Variants in RSRC2 observed in about 807,000 individuals in gnomAD.
RSRC2 encodes the protein arginine/serine-rich coiled-coil protein 2.
RSRC2 carries 5 observed loss-of-function variants against 61.3 expected under a neutral mutation model. The observed-to-expected ratio is 0.08, with a 90% CI of 0.04 to 0.17. The LOEUF (loss-of-function observed/expected upper bound fraction) is 0.17, where lower values mean the gene tolerates loss of function less well. RSRC2 is among the 10% of genes least tolerant of loss of function. RSRC2 has a pLI of 1.00. For missense variants in RSRC2, 381 were observed against 518.8 expected, an observed-to-expected ratio of 0.73 and a Z score of 2.58; for synonymous variants, 202 against 166.5, an observed-to-expected ratio of 1.21 and a Z score of -1.64.
intron 6 of RSRC2, chr12:122,514,611 T>G: frequency 9.7e-7 from 1 of 1,035,946 alleles, no homozygotes; most frequent in Non-Finnish European, 1.2e-6. Flanking sequence ...TCTCCCATAG[T>G]TACCAGGAAT....
chr12:122,514,220 C>A (rs1958735355), intron 6 of RSRC2, among the ~76,000 whole-genome samples: 1 of 150,124 alleles, frequency 6.7e-6, no homozygotes, highest in Non-Finnish European at 1.5e-5. Context: ...TTCACCATTA[C>A]TCATCTTTGA....
chr12:122,521,458 TAAAC>T (rs1959208479), intron 2 of RSRC2, 30 bp from the exon 3 acceptor site: 5 of 1,587,888 alleles, frequency 3.1e-6, no homozygotes, highest in Non-Finnish European at 4.3e-6. Flanking sequence ...ATAATCACCA[TAAAC>T]AAAGTTGGAG....
In RSRC2 at chr12:122,518,901, G is replaced by A; in HGVS notation, c.336C>T (p.His112=). 1.2e-6 allele frequency: 2 copies of A among 1,614,036 alleles called. No homozygotes were observed. Among genetic ancestry groups the A allele is most frequent in the Non-Finnish European group, 1.7e-6 (2 of 1,179,996 alleles). The stretch of plus-strand genomic sequence containing the variant: ...TTGATGACTTTCTTTCTTTGCGTTT[G>A]TGCCTGTCCTCACCATTTTCAGATG... ...LNSSENGEDR[H]KRKERKSSRG... is the part of the protein sequence containing the mutation. The change falls in exon 4 of 10, where the codon CAC becomes CAT. Residue 112 remains histidine (H), a synonymous_variant. Transcript: ENST00000331738.
intron 4 of RSRC2, 94 bp from the exon 5 acceptor site, chr12:122,517,524 A>G: frequency 7.0e-7 from 1 of 1,438,232 alleles, no homozygotes; most frequent in Non-Finnish European, 9.6e-7. Context: ...AACGCAATAA[A>G]GACAAGCAAG....
chr12:122,504,124 G>C lies in RSRC2; in HGVS notation c.*1403C>G, dbSNP rs1308611849. The C allele has an allele frequency of 1.3e-5, 2 of 152,120 alleles. No homozygotes were observed. The highest frequency in any genetic ancestry group is 2.9e-5 in the Non-Finnish European group (2 of 68,030). 9.4% of individuals were successfully genotyped at this position (152,120 alleles called of 1,614,324 possible). A position where few individuals can be genotyped will look rare whatever the true frequency, so the allele number is the denominator to read the frequency against. ...AAATACCTAATGAGCAAGTTGGCAA[G>C]ACTTAATTCCAGCTTTTAAAATAAG... On this transcript the variant is annotated 3_prime_UTR_variant, in exon 10 of 10. Coordinates refer to ENST00000331738, the MANE Select transcript of RSRC2 (RefSeq NM_023012.6).
In RSRC2 at chr12:122,505,808, T is replaced by C. The variant is rs568632508; in HGVS notation, c.1126-102A>G. 33 of 985,976 alleles carry C rather than the reference T, an allele frequency of 3.3e-5. No individual in the cohort carries two copies. In the African/African-American group the frequency reaches 4.3e-4, roughly 13 times the overall value. 61.1% of individuals were successfully genotyped at this position (985,976 alleles called of 1,614,324 possible). A position where few individuals can be genotyped will look rare whatever the true frequency, so the allele number is the denominator to read the frequency against. ...TATTTTTTTTTTTTGAGATGGAGTC[T>C]TGCTCTGTTGTCCCGTCTGGAGTGC... On this transcript the variant is annotated intron_variant, in intron 9 of 9. Transcript: ENST00000331738.
rs750030493 is a variant in RSRC2 at position 122,517,457 on chromosome 12, A to T, written c.399-27T>A. 4 of 1,613,492 alleles carry T rather than the reference A, an allele frequency of 2.5e-6. No individual in the cohort carries two copies. In the Admixed American group the frequency reaches 6.7e-5, roughly 27 times the overall value. The stretch of plus-strand genomic sequence containing the variant: ...TGAAATTAAAGTGCACAAATTTGTA[A>T]TTACTTAAAAGTTGTGTTGTTTCAT... On this transcript the variant is annotated intron_variant, in intron 4 of 9. Coordinates refer to ENST00000331738, the MANE Select transcript of RSRC2 (RefSeq NM_023012.6).
chr12:122,506,178 G>A (rs927666743), intron 9 of RSRC2, among the ~76,000 whole-genome samples: 1 of 150,690 alleles, frequency 6.6e-6, no homozygotes, highest in African/African-American at 2.4e-5. Flanking sequence ...CTGAGGTCAG[G>A]ATTTCGAGAC....
At position 122,526,906 on chromosome 12, in the gene RSRC2, T is replaced by TA; in HGVS notation, c.-54dup. The stretch of plus-strand genomic sequence containing the variant: ...CGCCTCCACTTGTCGCTTTCAACAG[T>TA]ACCGGCCGCTCCGAAGCTTCGCCTC... On this transcript the variant is annotated 5_prime_UTR_variant, in exon 1 of 10. Transcript: ENST00000331738. The TA allele has an allele frequency of 6.2e-7, 1 of 1,609,558 alleles. No homozygotes were observed. Among genetic ancestry groups the TA allele is most frequent in the Non-Finnish European group, 8.5e-7 (1 of 1,175,938 alleles).
chr12:122,523,428 A>G (rs1335538726), intron 1 of RSRC2: 1 of 152,242 alleles, frequency 6.6e-6, no homozygotes, highest in South Asian at 2.1e-4. Context: ...AGACAGGAGA[A>G]TGGCTTGAAC....
chr12:122,516,202 T>C lies in RSRC2; in HGVS notation c.603-975A>G, dbSNP rs570904336. Among the ~76,000 whole-genome samples, 16 of 152,302 alleles carry C rather than the reference T, an allele frequency of 1.1e-4. No homozygotes were observed. In the South Asian group the frequency reaches 2.5e-3, roughly 24 times the overall value. ...ATGTATGTTTCAATCTTTCATACAC[T>C]GACCTAAGTTGCAATCAATTTACAA... On this transcript the variant is annotated intron_variant, in intron 5 of 9. Transcript: ENST00000331738.
At chr12:122,510,963 C>T (rs1482973495) in intron 7 of RSRC2, 146 bp downstream of exon 7, 1 of 601,306 alleles carries the variant, frequency 1.7e-6, no homozygotes, top group African/African-American at 1.9e-5. Flanking sequence ...GTGGGAGGAT[C>T]ACTTGAGCCT....
At chr12:122,518,798 A>G in intron 4 of RSRC2, 41 bp downstream of exon 4, 3 of 1,486,162 alleles carry the variant, frequency 2.0e-6, no homozygotes, top group Non-Finnish European at 2.8e-6. Flanking sequence ...ACTTTATGTA[A>G]CTTGTTAGAA....
rs1409345480 is a variant in RSRC2, at chr12:122,522,305, A to T, written c.7-6T>A. ...TCTCGCTCTGTATCACTAGCCTAAA[A>T]GTTTAAAAACAAATGATTAAAGTTC... On this transcript the variant is annotated splice_region_variant and splice_polypyrimidine_tract_variant and intron_variant, in intron 1 of 9. Transcript: ENST00000331738. 1.3e-6 allele frequency: 2 copies of T among 1,578,754 alleles called. No homozygotes were observed. Among genetic ancestry groups the T allele is most frequent in the Non-Finnish European group, 1.7e-6 (2 of 1,169,254 alleles).
At chr12:122,512,764 T>G (rs909126386) in intron 6 of RSRC2, among the ~76,000 whole-genome samples, 116 of 151,570 alleles carry the variant, frequency 7.7e-4, no homozygotes, top group African/African-American at 2.5e-3. Context: ...AAAAAAATTG[T>G]TGAAATTTAC....
intron 1 of RSRC2, among the ~76,000 whole-genome samples, chr12:122,524,717 T>C (rs1959803821): frequency 6.6e-6 from 1 of 152,216 alleles, no homozygotes; most frequent in Non-Finnish European, 1.5e-5. Context: ...AAAACTTTTA[T>C]TTCCCTGAGG....
rs751253490 is a variant in RSRC2, at chr12:122,508,187, A to C, written c.1035+31T>G. The C allele has an allele frequency of 1.9e-6, 3 of 1,576,314 alleles. No individual in the cohort carries two copies. In the South Asian group the frequency reaches 3.3e-5, roughly 17 times the overall value. On this transcript the variant is annotated intron_variant, in intron 8 of 9. Coordinates refer to ENST00000331738, the MANE Select transcript of RSRC2 (RefSeq NM_023012.6). ...TCTAAGCAATTACTAATTAGGAATA[A>C]ACGACAGAAAAGCAGAATAAGAGAA...
chr12:122,521,442 A>C lies in RSRC2; in HGVS notation c.164-14T>G, dbSNP rs199800654. On this transcript the variant is annotated splice_polypyrimidine_tract_variant and intron_variant, in intron 2 of 9. Transcript: ENST00000331738. ...TTCCTTCATTATCTGTGAATACACA[A>C]AAAAAATAATCACCATAAACAAAGT... The C allele has an allele frequency of 1.4e-4, 229 of 1,609,934 alleles. 1 individual carries two copies. In the African/African-American group the frequency reaches 2.7e-3, roughly 19 times the overall value.
rs1038744255 is a variant in RSRC2 at position 122,505,460 on chromosome 12, G to C, written c.*67C>G. ...ATGCAAGCTAGAGTGCTAGCTGTTT[G>C]GTGAACAAGGACGTGACATCAGAAC... On this transcript the variant is annotated 3_prime_UTR_variant, in exon 10 of 10. Transcript: ENST00000331738. The C allele has an allele frequency of 2.1e-6, 3 of 1,443,874 alleles. No homozygotes were observed. Among genetic ancestry groups the C allele is most frequent in the Non-Finnish European group, 2.9e-6 (3 of 1,047,262 alleles). 89.4% of individuals were successfully genotyped at this position (1,443,874 alleles called of 1,614,324 possible).
Sources: allele counts gnomAD v4.1 joint callset (sites outside exome capture counted in the v4.1 genomes callset), GRCh38; gene constraint gnomAD v4.1.1; transcripts MANE v1.5; gene names NCBI Gene and HGNC (gene_info 2026-07-23, HGNC 2026-07-21).